COL15A1: variants seen among roughly 807,000 people sequenced by gnomAD.
COL15A1 encodes collagen alpha-1(XV) chain.
COL15A1 carries 111 observed loss-of-function variants against 165.9 expected under a neutral mutation model. The ratio of observed to expected loss-of-function variants is 0.67; its 90% CI spans 0.57 to 0.78. The LOEUF is 0.78. Among genes scored for constraint, COL15A1 ranks in the 30% least tolerant of loss-of-function variants. The pLI, the probability that COL15A1 is intolerant of heterozygous loss-of-function variation, is 0.00. For missense variants in COL15A1, 1,745 were observed against 1,789.7 expected, an observed-to-expected ratio of 0.98 and a Z score of 0.45; for synonymous variants, 659 against 674.8, an observed-to-expected ratio of 0.98 and a Z score of 0.36.
At chr9:98,993,816 G>A (rs1212624614) in intron 5 of COL15A1, among the ~76,000 whole-genome samples, 1 of 151,978 alleles carries the variant, frequency 6.6e-6, no homozygotes, top group Non-Finnish European at 1.5e-5. Context: ...GACAGTCCCC[G>A]CCCGCCCCTT....
chr9:99,063,666 C>T (rs1825851930), intron 39 of COL15A1, among the ~76,000 whole-genome samples: 1 of 152,098 alleles, frequency 6.6e-6, no homozygotes, highest in Non-Finnish European at 1.5e-5. Context: ...ACCTTGGCTA[C>T]AGTGTGCAGA....
At chr9:98,948,324 C>T (rs1412972904) in intron 2 of COL15A1, among the ~76,000 whole-genome samples, 3 of 152,128 alleles carry the variant, frequency 2.0e-5, no homozygotes, top group East Asian at 1.9e-4. Context: ...GTCGGCCGGG[C>T]GCGGTGGCTC....
chr9:99,035,727 C>G (rs1839289743), intron 19 of COL15A1, among the ~76,000 whole-genome samples: 1 of 152,170 alleles, frequency 6.6e-6, no homozygotes, highest in Non-Finnish European at 1.5e-5. Context: ...ACTTTATTTC[C>G]TCCCTCCAGT....
At chr9:99,001,882 A>G (rs1838661689) in intron 7 of COL15A1, among the ~76,000 whole-genome samples, 1 of 152,110 alleles carries the variant, frequency 6.6e-6, no homozygotes, top group Admixed American at 6.5e-5. Context: ...GTCTTCCTGC[A>G]GGGGACCTAG....
At chr9:99,062,394 T>C in intron 38 of COL15A1, 90 bp downstream of exon 38, 1 of 960,770 alleles carries the variant, frequency 1.0e-6, no homozygotes, top group Non-Finnish European at 1.7e-6. Flanking sequence ...CTCTCCAAAC[T>C]CTGGACAGTC....
intron 8 of COL15A1, 24 bp from the exon 9 acceptor site, chr9:99,004,874 G>C (rs561432064): frequency 5.0e-6 from 8 of 1,613,696 alleles, no homozygotes; most frequent in Non-Finnish European, 6.8e-6. Context: ...GCACTGACGC[G>C]GTTCCTGTTG....
At chr9:99,015,952 C>T in intron 10 of COL15A1, 24 bp from the exon 11 acceptor site, 8 of 1,609,932 alleles carry the variant, frequency 5.0e-6, no homozygotes, top group Non-Finnish European at 5.1e-6. Context: ...TGAGGTGGTG[C>T]CTTAATGCTG....
Position 99,063,127 on chromosome 9 carries a change from A to G in COL15A1, c.3651+18A>G. The G allele has an allele frequency of 6.3e-7, 1 of 1,577,340 alleles. No homozygotes were observed. Among genetic ancestry groups the G allele is most frequent in the Non-Finnish European group, 8.6e-7 (1 of 1,168,060 alleles). ...AGCCTGCTGTAAGTACAATTTATAC[A>G]TTTAATCTTCAAATACTGAGTGTAT... On this transcript the variant is annotated intron_variant, in intron 39 of 41. Coordinates refer to ENST00000375001, the MANE Select transcript of COL15A1 (RefSeq NM_001855.5).
intron 41 of COL15A1, 23 bp downstream of exon 41, chr9:99,068,693 A>G: frequency 2.2e-6 from 3 of 1,362,446 alleles, no homozygotes; most frequent in Non-Finnish European, 3.0e-6. Flanking sequence ...GGAAGTTCTC[A>G]GATATGGTGT....
chr9:98,997,711 A>C (rs2118927488), intron 6 of COL15A1: 1 of 152,520 alleles, frequency 6.6e-6, no homozygotes, highest in South Asian at 2.1e-4. Context: ...CTGCCCATCC[A>C]GGGCTCTGGC....
chr9:99,044,702 A>G, intron 25 of COL15A1, 33 bp from the exon 26 acceptor site: 1 of 1,612,874 alleles, frequency 6.2e-7, no homozygotes, highest in Non-Finnish European at 8.5e-7. Flanking sequence ...TTTCTGTCCC[A>G]AACAGTGACA....
chr9:99,036,238 G>A (rs763827861), intron 20 of COL15A1, 33 bp downstream of exon 20: 44 of 1,613,454 alleles, frequency 2.7e-5, no homozygotes, highest in Non-Finnish European at 3.0e-5. Flanking sequence ...GGGGTGGGAG[G>A]GCTTTCCAGC....
rs572153708 is a variant in COL15A1, at chr9:99,055,444, G to C, written c.3192+72G>C. 14 of 863,558 alleles carry C rather than the reference G, an allele frequency of 1.6e-5. No individual in the cohort carries two copies. In the East Asian group the frequency reaches 1.7e-4, roughly 10 times the overall value. The allele number at this position is 863,558 out of a possible 1,614,324, so 53.5% of individuals were successfully genotyped here. A position where few individuals can be genotyped will look rare whatever the true frequency, so the allele number is the denominator to read the frequency against. Reference sequence around the variant, plus strand: ...TTCCCGGAAGCCCCCAATGGGACTAGGCAGTTAGGGCTAGTCATTGTACTA... The same window carrying C: ...TTCCCGGAAGCCCCCAATGGGACTACGCAGTTAGGGCTAGTCATTGTACTA... On this transcript the variant is annotated intron_variant, in intron 34 of 41. Coordinates refer to ENST00000375001, the MANE Select transcript of COL15A1 (RefSeq NM_001855.5).
At chr9:99,056,104 G>A (rs1825716039) in intron 34 of COL15A1, among the ~76,000 whole-genome samples, 156 bp from the exon 35 acceptor site, 1 of 152,194 alleles carries the variant, frequency 6.6e-6, no homozygotes, top group South Asian at 2.1e-4. Flanking sequence ...CATCTTGGAG[G>A]CCTTACCCCA....
At chr9:99,001,199 C>T (rs542974741) in intron 7 of COL15A1, among the ~76,000 whole-genome samples, 21 of 152,198 alleles carry the variant, frequency 1.4e-4, no homozygotes, top group African/African-American at 4.6e-4. Flanking sequence ...CTGTGATGAG[C>T]GAGCGTCCAG....
intron 9 of COL15A1, among the ~76,000 whole-genome samples, chr9:99,010,552 G>A (rs987806888): frequency 6.6e-6 from 1 of 152,164 alleles, no homozygotes; most frequent in Non-Finnish European, 1.5e-5. Flanking sequence ...CAAACAACAG[G>A]CTCTAGATGT....
intron 19 of COL15A1, 103 bp downstream of exon 19, chr9:99,035,521 CCTT>C: frequency 7.0e-7 from 1 of 1,423,152 alleles, no homozygotes; most frequent in Non-Finnish European, 9.8e-7. Context: ...CAATAACTCA[CCTT>C]CTCTGTGCCT....
chr9:99,000,360 T>A (rs1297422159), intron 6 of COL15A1, among the ~76,000 whole-genome samples: 1 of 151,950 alleles, frequency 6.6e-6, no homozygotes, highest in Non-Finnish European at 1.5e-5. Context: ...ATTATGTATG[T>A]CATAATCATT....
rs544652230 is a variant in COL15A1, at chr9:99,015,245, G to A, written c.1354-172G>A. On this transcript the variant is annotated intron_variant, in intron 9 of 41. Coordinates refer to ENST00000375001, the MANE Select transcript of COL15A1 (RefSeq NM_001855.5). ...GGTGGGAGGATGCCCTGAAAGGTAC[G>A]TTCTAATGCTGGAGCTCCAGGCGAA... Among the ~76,000 whole-genome samples the A allele has an allele frequency of 9.2e-5, 14 of 152,248 alleles. 1 individual carries two copies. The South Asian group carries it at 1.5e-3, about 16-fold the overall frequency.
Sources: gnomAD v4.1 joint callset for allele counts (sites outside exome capture counted in the v4.1 genomes callset) on GRCh38, gnomAD v4.1.1 for gene constraint, MANE v1.5 for transcripts, NCBI Gene and HGNC (gene_info 2026-07-23, HGNC 2026-07-21) for gene names.